Variants in CWH43 observed in about 807,000 individuals in gnomAD.
The protein encoded by CWH43 is PGAP2-interacting protein.
A neutral mutation model predicts 85.7 loss-of-function variants in CWH43; 91 were observed. The observed-to-expected ratio is 1.06, with a 90% CI of 0.90 to 1.26. CWH43 has a LOEUF of 1.26. Among genes scored for constraint, CWH43 ranks in the 50% most tolerant of loss-of-function variants. The probability of loss-of-function intolerance (pLI) is 0.00; values close to 1 mark genes in which losing one functional copy is unlikely to be tolerated. For missense variants in CWH43, 869 were observed against 839.2 expected (o/e 1.04, Z -0.44); for synonymous variants, 323 against 293.6 (o/e 1.10, Z -1.02).
chr4:49,060,022 G>A (rs1785096567), intron 15 of CWH43, among the ~76,000 whole-genome samples: 1 of 152,132 alleles, frequency 6.6e-6, no homozygotes, highest in African/African-American at 2.4e-5. Context: ...CCTGTACTCT[G>A]GAATTGGTGG....
At position 48,992,245 on chromosome 4, in the gene CWH43, G is replaced by A. The variant is rs1472343856; in HGVS notation, c.511+155G>A. 1.3e-5 allele frequency among the ~76,000 whole-genome samples: 2 copies of A among 152,248 alleles called. No homozygotes were observed. Among genetic ancestry groups the A allele is most frequent in the East Asian group, 3.8e-4 (2 of 5,200 alleles). On this transcript the variant is annotated intron_variant, in intron 4 of 15. Transcript: ENST00000226432. The surrounding 1 kb of genome is among the most constrained non-coding windows in gnomAD (Gnocchi z 4.3). ...TCTGAAATAATAATTGGTGCAGCCA[G>A]TGGGCTATTTGCTAAGCAGGAGGCA... is the stretch of plus-strand genomic sequence containing the variant.
intron 2 of CWH43, among the ~76,000 whole-genome samples, chr4:48,989,986 A>C (rs1019084939): frequency 1.3e-5 from 2 of 152,006 alleles, no homozygotes; most frequent in Non-Finnish European, 2.9e-5. Context: ...TCCTTATCAC[A>C]CTTCAGGTTG....
chr4:49,041,761 C>A (rs1370947190), intron 13 of CWH43, among the ~76,000 whole-genome samples: 4 of 152,132 alleles, frequency 2.6e-5, no homozygotes, highest in Non-Finnish European at 4.4e-5. Flanking sequence ...AAACCAGCAG[C>A]CTTTAAGTTC....
chr4:49,050,953 G>T (rs1289582051), intron 15 of CWH43, 104 bp downstream of exon 15: 2 of 843,656 alleles, frequency 2.4e-6, no homozygotes, highest in South Asian at 2.4e-5. Context: ...TGTCCTAGAG[G>T]TTTATTCCAG....
chr4:49,025,541 G>A (rs1366522384), intron 9 of CWH43, among the ~76,000 whole-genome samples: 1 of 151,558 alleles, frequency 6.6e-6, no homozygotes, highest in Non-Finnish European at 1.5e-5. Flanking sequence ...TTCTCCCATA[G>A]GGTGCTCCCC....
chr4:49,057,620 G>A (rs972120245), intron 15 of CWH43, among the ~76,000 whole-genome samples: 1 of 152,110 alleles, frequency 6.6e-6, no homozygotes, highest in African/African-American at 2.4e-5. Flanking sequence ...CTCTATGTAT[G>A]TTAGGTCGAT....
chr4:49,049,867 C>G (rs1242550756), intron 14 of CWH43, among the ~76,000 whole-genome samples: 2 of 152,166 alleles, frequency 1.3e-5, no homozygotes, highest in African/African-American at 4.8e-5. Flanking sequence ...CTGCATTCAC[C>G]CCAGTGCTTA....
At chr4:49,023,920 C>A (rs1252091139) in intron 9 of CWH43, among the ~76,000 whole-genome samples, 1 of 152,150 alleles carries the variant, frequency 6.6e-6, no homozygotes. Flanking sequence ...TCTTGATGAC[C>A]TCTCTAGTGC....
At chr4:49,033,309 A>T (rs1157484727) in intron 12 of CWH43, among the ~76,000 whole-genome samples, 1 of 152,222 alleles carries the variant, frequency 6.6e-6, no homozygotes, top group Non-Finnish European at 1.5e-5. Context: ...GGAGATCAAA[A>T]TATCACTTTG....
intron 13 of CWH43, among the ~76,000 whole-genome samples, chr4:49,044,584 G>C (rs996431930): frequency 6.6e-6 from 1 of 152,174 alleles, no homozygotes; most frequent in Non-Finnish European, 1.5e-5. Flanking sequence ...TGGTACAGAA[G>C]CTAGATAGGC....
intron 1 of CWH43, chr4:48,986,803 C>G: frequency 8.4e-7 from 1 of 1,190,282 alleles, no homozygotes; most frequent in South Asian, 2.7e-5. Context: ...CCCCAAAGCC[C>G]CCCACCCGTG....
chr4:49,027,764 C>A (rs2109800809), intron 9 of CWH43, among the ~76,000 whole-genome samples: 1 of 152,254 alleles, frequency 6.6e-6, no homozygotes, highest in African/African-American at 2.4e-5. Context: ...ATTGTACTAT[C>A]AAATAGTAGG....
rs80251435 is a variant in CWH43, at chr4:49,044,592, G to T, written c.1804-194G>T. 9.6e-3 allele frequency among the ~76,000 whole-genome samples: 1,462 copies of T among 152,270 alleles called. 17 individuals carry two copies. Among genetic ancestry groups the T allele is most frequent in the African/African-American group, 0.029 (1,213 of 41,550 alleles). ...TAGCATGTGGTACAGAAGCTAGATAGGCGCACAGTAGGTGCTCAATAAATA... is the reference window on the plus strand; with the variant it reads ...TAGCATGTGGTACAGAAGCTAGATATGCGCACAGTAGGTGCTCAATAAATA... On this transcript the variant is annotated intron_variant, in intron 13 of 15. Transcript: ENST00000226432.
intron 15 of CWH43, among the ~76,000 whole-genome samples, chr4:49,055,610 A>G (rs559986054): frequency 6.9e-6 from 1 of 144,784 alleles, no homozygotes; most frequent in East Asian, 2.0e-4. Flanking sequence ...TTTTTTTGAG[A>G]TAGAGTCTCA....
In CWH43 at chr4:49,025,539, T is replaced by C. The variant is rs540290625; in HGVS notation, c.1267-3090T>C. 4.5e-4 allele frequency among the ~76,000 whole-genome samples: 68 copies of C among 152,306 alleles called. 4 individuals carry two copies. The highest frequency in any genetic ancestry group is 7.2e-5 in the African/African-American group (3 of 41,560). ...CTGCTCTTCAGATTCTTTTCTCCCA[T>C]AGGGTGCTCCCCTGATGTGGTGCTC... On this transcript the variant is annotated intron_variant, in intron 9 of 15. Coordinates refer to ENST00000226432, the MANE Select transcript of CWH43 (RefSeq NM_025087.3).
intron 14 of CWH43, among the ~76,000 whole-genome samples, chr4:49,049,303 T>C (rs1340388386): frequency 5.3e-5 from 8 of 152,144 alleles, no homozygotes; most frequent in African/African-American, 1.7e-4. Flanking sequence ...TGGGTTTCTG[T>C]TTCTATTTTG....
intron 9 of CWH43, among the ~76,000 whole-genome samples, chr4:49,022,776 A>G (rs1213066007): frequency 6.6e-6 from 1 of 151,996 alleles, no homozygotes; most frequent in Non-Finnish European, 1.5e-5. Context: ...TTAATCTAGG[A>G]GGGCTATATA....
chr4:49,030,897 G>A lies in CWH43; in HGVS notation c.1445G>A (p.Trp482Ter), dbSNP rs1267948480. 3.7e-6 allele frequency: 6 copies of A among 1,611,016 alleles called. No individual in the cohort carries two copies. The South Asian group carries it at 5.5e-5, about 15-fold the overall frequency. Residue 482 changes from tryptophan (W) to a stop codon, truncating the protein, a stop_gained, in exon 11 of 16, where the codon TGG becomes TAG. Coordinates refer to ENST00000226432, the MANE Select transcript of CWH43 (RefSeq NM_025087.3). LOFTEE classifies it high-confidence loss of function. ...PYMGNNDLTM[W>*]LGEKLGFYTD... The stretch of plus-strand genomic sequence containing the variant: ...ATGGGGAACAATGACTTAACCATGT[G>A]GCTAGGGGAAAAGTTGGGTTTCTAT...
chr4:49,041,716 A>G (rs1784468150), intron 13 of CWH43, among the ~76,000 whole-genome samples: 1 of 152,140 alleles, frequency 6.6e-6, no homozygotes, highest in Non-Finnish European at 1.5e-5. Context: ...TCTGTGTTCT[A>G]CCTTGTGGTT....
Sources: allele counts gnomAD v4.1 joint callset (sites outside exome capture counted in the v4.1 genomes callset), GRCh38; gene constraint gnomAD v4.1.1; non-coding constraint Gnocchi (gnomAD v3.1); transcripts MANE v1.5; gene names NCBI Gene and HGNC (gene_info 2026-07-23, HGNC 2026-07-21).